Variants in MYH6 observed in about 807,000 individuals in gnomAD.
MYH6 encodes the protein myosin heavy chain 6.
In MYH6, 126 loss-of-function variants were observed where a neutral mutation model predicts 223.2. That is an observed-to-expected ratio of 0.56 (90% CI 0.49 to 0.65). MYH6 has a LOEUF of 0.65. MYH6 is among the 30% of genes least tolerant of loss of function. The pLI, the probability that MYH6 is intolerant of heterozygous loss-of-function variation, is 0.00. For synonymous variants in MYH6, 978 were observed against 1,010.2 expected, an observed-to-expected ratio of 0.97 and a Z score of 0.61; for missense variants, 2,040 against 2,536.4, an observed-to-expected ratio of 0.80 and a Z score of 4.20.
intron 14 of MYH6, among the ~76,000 whole-genome samples, chr14:23,399,308 C>T (rs560770571): frequency 4.6e-5 from 7 of 152,324 alleles, no homozygotes; most frequent in Admixed American, 3.3e-4. Flanking sequence ...ACAGCACAGC[C>T]CCTTCTCTCT....
chr14:23,386,593 G>A lies in MYH6; in HGVS notation c.4681C>T (p.Leu1561Phe), dbSNP rs749581457. ...ASLEHEEGKI[L>F]RAQLEFNQIK... Reference sequence around the variant, plus strand: ...TGGTTGAACTCTAGCTGGGCCCGGAGGATCTTGCCCTCCTCGTGCTCCAGG... The same window carrying A: ...TGGTTGAACTCTAGCTGGGCCCGGAAGATCTTGCCCTCCTCGTGCTCCAGG... Residue 1561 changes from leucine (L) to phenylalanine (F), a missense_variant, in exon 33 of 39, where the codon CTC (leucine) becomes TTC (phenylalanine). By Grantham distance (22) the Leu-to-Phe change is conservative. Around this residue, in one of 4 missense-constraint regions of MYH6, gnomAD observed 1,203 missense variants for 1,400.2 expected, o/e 0.86. Coordinates refer to ENST00000405093, the MANE Select transcript of MYH6 (RefSeq NM_002471.4). 1.2e-6 allele frequency: 2 copies of A among 1,612,436 alleles called. No homozygotes were observed. The highest frequency in any genetic ancestry group is 1.7e-6 in the Non-Finnish European group (2 of 1,178,672).
intron 25 of MYH6, among the ~76,000 whole-genome samples, chr14:23,391,784 C>G (rs1891243647): frequency 6.6e-6 from 1 of 152,162 alleles, no homozygotes; most frequent in South Asian, 2.1e-4. Flanking sequence ...AAACCCGATA[C>G]TAAAAGCACA....
At chr14:23,387,487 C>A (rs199869124) in intron 32 of MYH6, 42 bp downstream of exon 32, 3 of 1,609,188 alleles carry the variant, frequency 1.9e-6, no homozygotes, top group East Asian at 4.5e-5. Context: ...TGGGAGACAG[C>A]GGCAGAACAG....
Position 23,384,698 on chromosome 14 carries a change from T to C in MYH6, c.5309A>G (p.Glu1770Gly). The change falls in exon 36 of 39, where the codon GAG becomes GGG. Residue 1770 changes from glutamate to glycine, a missense_variant. Glu to Gly is a moderately conservative substitution (Grantham distance 98). This residue lies in a region of MYH6 where 1,203 missense variants were observed against 1,400.2 expected (regional missense o/e 0.86). Coordinates refer to ENST00000405093, the MANE Select transcript of MYH6 (RefSeq NM_002471.4). The part of the protein sequence containing the change: ...AITDAAMMAE[E>G]LKKEQDTSAH... ...GCTGGTGTCCTGCTCCTTCTTCAGC[T>C]CCTCTGCCATCATGGCGGCCTGTGT... The C allele has an allele frequency of 6.2e-7, 1 of 1,614,226 alleles. No homozygotes were observed. Among genetic ancestry groups the C allele is most frequent in the East Asian group, 2.2e-5 (1 of 44,882 alleles).
chr14:23,385,200 T>C (rs1165848985), intron 34 of MYH6, among the ~76,000 whole-genome samples, 159 bp from the exon 35 acceptor site: 2 of 152,028 alleles, frequency 1.3e-5, no homozygotes, highest in Non-Finnish European at 2.9e-5. Context: ...TCCCTTTTCC[T>C]ATGAAAGTGC....
At chr14:23,403,859 C>T in intron 8 of MYH6, 81 bp from the exon 9 acceptor site, 2 of 1,228,106 alleles carry the variant, frequency 1.6e-6, no homozygotes, top group Non-Finnish European at 1.2e-6. Context: ...CCCAGAAGCC[C>T]TGGATGGTTC....
At chr14:23,388,379 G>C in intron 29 of MYH6, 41 bp from the exon 30 acceptor site, 1 of 1,609,178 alleles carries the variant, frequency 6.2e-7, no homozygotes, top group Non-Finnish European at 8.5e-7. Flanking sequence ...TGACTCTACT[G>C]GGCAACACTG....
At position 23,405,434 on chromosome 14, in the gene MYH6, C is replaced by A; in HGVS notation, c.346-55G>T. ...GTTGGTGGGGAGAGCCTGGGACAGGCAGTGGTGGCAGCCAGGCATGTCCCT... is the reference window on the plus strand; with the variant it reads ...GTTGGTGGGGAGAGCCTGGGACAGGAAGTGGTGGCAGCCAGGCATGTCCCT... On this transcript the variant is annotated intron_variant, in intron 4 of 38. Transcript: ENST00000405093. The surrounding 1 kb of genome is among the most constrained non-coding windows in gnomAD (Gnocchi z 4.7). 6.2e-7 allele frequency: 1 copy of A among 1,612,710 alleles called. No homozygotes were observed. The highest frequency in any genetic ancestry group is 1.1e-5 in the South Asian group (1 of 91,034).
In MYH6 at chr14:23,395,966, T is replaced by A. The variant is rs112488127; in HGVS notation, c.2429+318A>T. 1.2e-4 allele frequency among the ~76,000 whole-genome samples: 19 copies of A among 152,336 alleles called. No homozygotes were observed. In the South Asian group the frequency reaches 3.9e-3, roughly 32 times the overall value. ...TTTTAAAACTTTTAAAAATTATTTTTCCTTTCATTTTATTTTTATCTACTT... is the reference window on the plus strand; with the variant it reads ...TTTTAAAACTTTTAAAAATTATTTTACCTTTCATTTTATTTTTATCTACTT... On this transcript the variant is annotated intron_variant, in intron 20 of 38. Transcript: ENST00000405093.
In MYH6 at chr14:23,402,606, G is replaced by T; in HGVS notation, c.1003-4C>A. 1 of 1,613,696 alleles carries T rather than the reference G, an allele frequency of 6.2e-7. No individual in the cohort carries two copies. Among genetic ancestry groups the T allele is most frequent in the Non-Finnish European group, 8.5e-7 (1 of 1,179,950 alleles). The stretch of plus-strand genomic sequence containing the variant: ...AGCCCAGCACGTCAAAGGCACTCTG[G>T]GACAGAGCGAGAGACAAAGAGGGGG... On this transcript the variant is annotated splice_region_variant and splice_polypyrimidine_tract_variant and intron_variant, in intron 11 of 38. Transcript: ENST00000405093.
chr14:23,397,242 GC>G lies in MYH6; in HGVS notation c.1977del (p.Lys659AsnfsTer2), dbSNP rs780949569. On this transcript the variant is annotated frameshift_variant, in exon 17 of 39. Transcript: ENST00000405093. LOFTEE classifies it high-confidence loss of function. ...TGGGTGGTCCTCAGGTTGGTCATTA[GC>G]TTGTTGAGATTTTCCTGGAGGCAGA... ...VSALHRENLN[K>X]LMTNLRTTHP... 2 of 1,614,098 alleles carry G rather than the reference GC, an allele frequency of 1.2e-6. No individual in the cohort carries two copies. Among genetic ancestry groups the G allele is most frequent in the African/African-American group, 2.7e-5 (2 of 74,940 alleles).
chr14:23,384,049 T>C (rs570932297), intron 36 of MYH6, among the ~76,000 whole-genome samples: 135 of 152,278 alleles, frequency 8.9e-4, no homozygotes, highest in Admixed American at 2.0e-3. Flanking sequence ...CCTCTTTCTC[T>C]GTGGCCTTCT....
In MYH6 at chr14:23,405,731, G is replaced by A. The variant is rs1448176145; in HGVS notation, c.241C>T (p.Pro81Ser). The change falls in exon 4 of 39, where the codon CCA (proline) becomes TCA (serine). Residue 81 changes from proline to serine, a missense_variant. Physicochemically the swap from Pro to Ser is moderately conservative, Grantham distance 74 (BLOSUM62 -1). Coordinates refer to ENST00000405093, the MANE Select transcript of MYH6 (RefSeq NM_002471.4). The surrounding 1 kb of genome is among the most constrained non-coding windows in gnomAD (Gnocchi z 4.7). ...TCCTCAATCTTGTCGAACTTGGGTG[G>A]GTTCTGCTGCAACACCTGGTCCTCC... ...VKEDQVLQQN[P>S]PKFDKIEDMA... is the part of the protein sequence containing the mutation. 3 of 1,614,020 alleles carry A rather than the reference G, an allele frequency of 1.9e-6. No homozygotes were observed. Among genetic ancestry groups the A allele is most frequent in the African/African-American group, 2.7e-5 (2 of 74,900 alleles).
At position 23,386,417 on chromosome 14, in the gene MYH6, C is replaced by G; in HGVS notation, c.4857G>C (p.Lys1619Asn). The G allele has an allele frequency of 6.2e-7, 1 of 1,614,180 alleles. No homozygotes were observed. Among genetic ancestry groups the G allele is most frequent in the Non-Finnish European group, 8.5e-7 (1 of 1,180,008 alleles). Reference protein sequence around the residue: ...SRNEVLRVKKKMEGDLNEMEI... With the variant: ...SRNEVLRVKKNMEGDLNEMEI... Reference sequence around the variant, plus strand: ...CCATCTCATTGAGGTCTCCTTCCATCTTCTTCTTCACCCTCAGGACCTCGT... The same window carrying G: ...CCATCTCATTGAGGTCTCCTTCCATGTTCTTCTTCACCCTCAGGACCTCGT... The change falls in exon 33 of 39, where the codon AAG (lysine) becomes AAC (asparagine). Residue 1619 changes from lysine to asparagine, a missense_variant. This residue lies in a region of MYH6 where 1,203 missense variants were observed against 1,400.2 expected (regional missense o/e 0.86). Transcript: ENST00000405093.
In MYH6 at chr14:23,388,397, G is replaced by C. The variant is rs115570443; in HGVS notation, c.4176-59C>G. 2.1e-3 allele frequency: 3,295 copies of C among 1,603,744 alleles called. 66 individuals are homozygous for C. The African/African-American group carries it at 0.038, about 18-fold the overall frequency. On this transcript the variant is annotated intron_variant, in intron 29 of 38. Coordinates refer to ENST00000405093, the MANE Select transcript of MYH6 (RefSeq NM_002471.4). ...CTCTACTGGGCAACACTGGAGCCTT[G>C]GGTGGACCTCCTTCCACCCCCTCCC...
chr14:23,396,954 C>T lies in MYH6; in HGVS notation c.2168+9G>A, dbSNP rs778117526. 2.5e-6 allele frequency: 4 copies of T among 1,612,478 alleles called. No individual in the cohort carries two copies. Among genetic ancestry groups the T allele is most frequent in the African/African-American group, 1.3e-5 (1 of 75,010 alleles). Reference sequence around the variant, plus strand: ...TGTTCTATGAGCTCTGGGGCACCCTCATACCCACCTCTGCCGGAAGTCCCC... The same window carrying T: ...TGTTCTATGAGCTCTGGGGCACCCTTATACCCACCTCTGCCGGAAGTCCCC... On this transcript the variant is annotated intron_variant, in intron 18 of 38. Transcript: ENST00000405093.
chr14:23,405,750 G>C lies in MYH6; in HGVS notation c.222C>G (p.Asp74Glu). ...TGGGTGGGTTCTGCTGCAACACCTG[G>C]TCCTCCTTCACAGTCACCGTCTGGA... ...ENGKTVTVKE[D>E]QVLQQNPPKF... is the part of the protein sequence containing the mutation. Residue 74 changes from aspartate (D) to glutamate (E), a missense_variant, in exon 4 of 39, where the codon GAC becomes GAG. By Grantham distance (45) the Asp-to-Glu change is conservative. Coordinates refer to ENST00000405093, the MANE Select transcript of MYH6 (RefSeq NM_002471.4). This position sits in a 1 kb window ranked among gnomAD's most constrained non-coding sequence, Gnocchi z 4.7. The C allele has an allele frequency of 6.2e-7, 1 of 1,614,092 alleles. No homozygotes were observed. Among genetic ancestry groups the C allele is most frequent in the Non-Finnish European group, 8.5e-7 (1 of 1,180,010 alleles).
rs191164474 is a variant in MYH6 at position 23,399,475 on chromosome 14, G to A, written c.1582-438C>T. Among the ~76,000 whole-genome samples, 395 of 152,280 alleles carry A rather than the reference G, an allele frequency of 2.6e-3. 5 individuals are homozygous for A. Among genetic ancestry groups the A allele is most frequent in the Admixed American group, 1.5e-3 (23 of 15,294 alleles). ...ACTCTGCACTTCCAAAAACCTGGTG[G>A]TTCTTGATTTTTCTTGGGGCAGGAA... is the stretch of plus-strand genomic sequence containing the variant. On this transcript the variant is annotated intron_variant, in intron 14 of 38. Coordinates refer to ENST00000405093, the MANE Select transcript of MYH6 (RefSeq NM_002471.4).
rs773749966 is a variant in MYH6 at position 23,390,276 on chromosome 14, G to A, written c.3513C>T (p.Ala1171=). The A allele has an allele frequency of 8.8e-6, 14 of 1,593,764 alleles. No individual in the cohort carries two copies. Among genetic ancestry groups the A allele is most frequent in the Admixed American group, 1.7e-5 (1 of 58,112 alleles). ...GGTCCCGCCGCATCTTCTGGAACTC[G>A]GCCTCGCGCTTCTTGTTCATCTCGA... ...VQIEMNKKRE[A]EFQKMRRDLE... is the part of the protein sequence containing the mutation. Residue 1171 remains alanine (A), a synonymous_variant, in exon 26 of 39, where the codon GCC becomes GCT. Coordinates refer to ENST00000405093, the MANE Select transcript of MYH6 (RefSeq NM_002471.4).
Sources: allele counts gnomAD v4.1 joint callset (sites outside exome capture counted in the v4.1 genomes callset), GRCh38; gene constraint gnomAD v4.1.1; regional missense constraint gnomAD v4.1.1; non-coding constraint Gnocchi (gnomAD v3.1); transcripts MANE v1.5; gene names NCBI Gene and HGNC (gene_info 2026-07-23, HGNC 2026-07-21).